The following TSGA10 variants were observed in gnomAD, a reference collection of about 807,000 sequenced individuals.
TSGA10 encodes testis specific 10.
Under a neutral mutation model 96.6 loss-of-function variants are expected in TSGA10, and 43 were observed. That is an observed-to-expected ratio of 0.44 (90% confidence interval 0.35 to 0.57). The LOEUF (loss-of-function observed/expected upper bound fraction) is 0.57. TSGA10 is among the 20% of genes least tolerant of loss of function. The probability of loss-of-function intolerance (pLI) is 0.01; values close to 1 mark genes in which losing one functional copy is unlikely to be tolerated. For missense variants in TSGA10, 703 were observed against 834.4 expected (o/e 0.84, Z 1.94); for synonymous variants, 229 against 269.9 (o/e 0.85, Z 1.48).
intron 10 of TSGA10, among the ~76,000 whole-genome samples, chr2:99,100,297 A>T (rs540629474): frequency 2.6e-4 from 40 of 152,234 alleles, no homozygotes; most frequent in Non-Finnish European, 5.1e-4. Flanking sequence ...CAGTTATAGT[A>T]ATTAGGAAAG....
At chr2:99,017,229 C>T (rs1453028261) in intron 20 of TSGA10, among the ~76,000 whole-genome samples, 1 of 152,102 alleles carries the variant, frequency 6.6e-6, no homozygotes, top group Non-Finnish European at 1.5e-5. Context: ...GCATAATTTG[C>T]AATTGCAAAA....
intron 1 of TSGA10, among the ~76,000 whole-genome samples, chr2:99,133,807 T>C (rs1026916493): frequency 2.0e-5 from 3 of 152,260 alleles, no homozygotes; most frequent in Non-Finnish European, 4.4e-5. Flanking sequence ...AGCATTTGCT[T>C]ATCTGTAAAA....
intron 10 of TSGA10, among the ~76,000 whole-genome samples, chr2:99,094,901 GTCTACCCAGAGGA>G (rs2089849791): frequency 1.3e-5 from 2 of 152,124 alleles, no homozygotes; most frequent in African/African-American, 4.8e-5. Context: ...ACTACTGAGT[GTCTACCCAGAGGA>G]AAAGAAGTCA....
chr2:99,004,692 C>T (rs1235702186), intron 20 of TSGA10, among the ~76,000 whole-genome samples: 2 of 152,058 alleles, frequency 1.3e-5, no homozygotes, highest in African/African-American at 4.8e-5. Flanking sequence ...GATGGATTCA[C>T]AGCCGAATTC....
chr2:99,144,130 C>T (rs957949952), intron 1 of TSGA10, among the ~76,000 whole-genome samples: 1 of 152,172 alleles, frequency 6.6e-6, no homozygotes, highest in Non-Finnish European at 1.5e-5. Context: ...ACGCCATTCT[C>T]CTGCCTCAGC....
intron 17 of TSGA10, among the ~76,000 whole-genome samples, chr2:99,021,731 A>C (rs971321038): frequency 6.6e-6 from 1 of 152,202 alleles, no homozygotes; most frequent in South Asian, 2.1e-4. Flanking sequence ...TGTCATTACT[A>C]AATGCACACT....
Position 99,108,970 on chromosome 2 carries a change from G to C in TSGA10, c.73C>G (p.Leu25Val). 1 of 1,590,494 alleles carries C rather than the reference G, an allele frequency of 6.3e-7. No homozygotes were observed. The highest frequency in any genetic ancestry group is 8.5e-7 in the Non-Finnish European group (1 of 1,173,144). Residue 25 changes from leucine to valine, a missense_variant, in exon 7 of 21, where the codon CTT (leucine) becomes GTT (valine). Leu to Val is a conservative substitution (Grantham distance 32). Around this residue, in one of 3 missense-constraint regions of TSGA10, gnomAD observed 585 missense variants for 656.8 expected, o/e 0.89. Transcript: ENST00000393483. ...TARGANCDVE[L>V]LKTTTRDREE... ...CGATCTCTTGTTGTTGTCTTCAAAAGTTCTACATCACAGTTTGCACCCTAT... is the reference window on the plus strand; with the variant it reads ...CGATCTCTTGTTGTTGTCTTCAAAACTTCTACATCACAGTTTGCACCCTAT...
At chr2:99,120,599 A>T (rs1208216415) in intron 2 of TSGA10, among the ~76,000 whole-genome samples, 1 of 152,170 alleles carries the variant, frequency 6.6e-6, no homozygotes, top group African/African-American at 2.4e-5. Flanking sequence ...TTTGTTAAAA[A>T]TTTTTATTTT....
intron 1 of TSGA10, among the ~76,000 whole-genome samples, chr2:99,136,399 G>A (rs1048832371): frequency 8.5e-5 from 13 of 152,108 alleles, no homozygotes; most frequent in African/African-American, 2.9e-4. Context: ...AATGAATCTA[G>A]GAAAGTCCAG....
intron 16 of TSGA10, among the ~76,000 whole-genome samples, chr2:99,062,102 A>G (rs2084761291): frequency 6.6e-6 from 1 of 152,250 alleles, no homozygotes; most frequent in Admixed American, 6.5e-5. Flanking sequence ...GGAAGATTTT[A>G]ACATGTCTTT....
intron 7 of TSGA10, among the ~76,000 whole-genome samples, chr2:99,107,378 T>A (rs2091444693): frequency 6.6e-6 from 1 of 152,142 alleles, no homozygotes; most frequent in Non-Finnish European, 1.5e-5. Flanking sequence ...AGAAAGATTA[T>A]GTGAGAAATA....
intron 16 of TSGA10, among the ~76,000 whole-genome samples, chr2:99,048,068 C>T (rs1158978327): frequency 6.6e-6 from 1 of 151,996 alleles, no homozygotes; most frequent in Non-Finnish European, 1.5e-5. Context: ...AAGACAATAA[C>T]AGAGGACACA....
intron 16 of TSGA10, among the ~76,000 whole-genome samples, chr2:99,037,069 G>C (rs1022573123): frequency 4.6e-5 from 7 of 152,140 alleles, no homozygotes; most frequent in Admixed American, 2.6e-4. Flanking sequence ...CAACACCCAT[G>C]TATCAGTAAC....
At chr2:99,105,476 T>A (rs1228113901) in intron 8 of TSGA10, 40 bp from the exon 9 acceptor site, 1 of 1,613,758 alleles carries the variant, frequency 6.2e-7, no homozygotes, top group Admixed American at 1.7e-5. Flanking sequence ...GATTTCAATA[T>A]CCCTGAATTT....
intron 1 of TSGA10, among the ~76,000 whole-genome samples, chr2:99,136,941 A>G (rs1431371294): frequency 4.0e-5 from 6 of 150,112 alleles, no homozygotes; most frequent in Admixed American, 4.0e-4. Flanking sequence ...TTAATGCATT[A>G]TATTACTTTT....
intron 1 of TSGA10, chr2:99,141,320 T>C (rs1026929171): frequency 3.7e-5 from 12 of 328,014 alleles, no homozygotes; most frequent in Middle Eastern, 9.5e-4. Flanking sequence ...AGTGCCGCCG[T>C]GGCCCCGCCC....
chr2:99,061,717 G>A (rs558503253), intron 16 of TSGA10, among the ~76,000 whole-genome samples: 5 of 152,040 alleles, frequency 3.3e-5, no homozygotes, highest in African/African-American at 7.3e-5. Context: ...TATTCCTCAC[G>A]GCCAAAAACT....
chr2:99,150,018 C>T (rs997297531), intron 1 of TSGA10, among the ~76,000 whole-genome samples: 1 of 152,012 alleles, frequency 6.6e-6, no homozygotes, highest in African/African-American at 2.4e-5. Context: ...GTCTCTCAAT[C>T]CTAACCTTTG....
intron 4 of TSGA10, among the ~76,000 whole-genome samples, chr2:99,116,727 TAA>T (rs572754690): frequency 2.6e-5 from 4 of 152,042 alleles, no homozygotes; most frequent in Non-Finnish European, 5.9e-5. Flanking sequence ...AAATGTTAGT[TAA>T]AAAAAAGTTT....
Sources: gnomAD v4.1 joint callset for allele counts (sites outside exome capture counted in the v4.1 genomes callset) on GRCh38, gnomAD v4.1.1 for gene constraint, gnomAD v4.1.1 regional missense constraint, MANE v1.5 for transcripts, NCBI Gene and HGNC (gene_info 2026-07-23, HGNC 2026-07-21) for gene names.